CNTNAP4: variants seen among roughly 807,000 people sequenced by gnomAD.
The protein encoded by CNTNAP4 is contactin associated protein family member 4.
CNTNAP4 carries 98 observed loss-of-function variants against 148.4 expected under a neutral mutation model. The observed-to-expected ratio is 0.66, with a 90% CI of 0.56 to 0.78. The LOEUF is 0.78. Among genes scored for constraint, CNTNAP4 ranks in the 30% least tolerant of loss-of-function variants. The probability of loss-of-function intolerance (pLI) is 0.00; values close to 1 mark genes in which losing one functional copy is unlikely to be tolerated. For synonymous variants in CNTNAP4, 730 were observed against 565.1 expected (o/e 1.29, Z -4.14); for missense variants, 1,935 against 1,565.6 (o/e 1.24, Z -3.98).
At chr16:76,345,560 T>A (rs149957630) in intron 2 of CNTNAP4, among the ~76,000 whole-genome samples, 2 of 152,194 alleles carry the variant, frequency 1.3e-5, no homozygotes, top group East Asian at 1.9e-4. Flanking sequence ...CTGGAGGACA[T>A]TGGGGATGCG....
chr16:76,519,720 G>C (rs577757453), intron 15 of CNTNAP4, among the ~76,000 whole-genome samples: 17 of 152,268 alleles, frequency 1.1e-4, no homozygotes, highest in Admixed American at 1.0e-3. Context: ...AAAAGGAATA[G>C]GCTTGATGTG....
chr16:76,295,550 T>G (rs1226209755), intron 1 of CNTNAP4, among the ~76,000 whole-genome samples: 2 of 152,014 alleles, frequency 1.3e-5, no homozygotes, highest in Non-Finnish European at 2.9e-5. Flanking sequence ...GCTGGTGAAC[T>G]AACTCCTGTA....
At chr16:76,549,882 G>T (rs2084892448) in intron 21 of CNTNAP4, among the ~76,000 whole-genome samples, 1 of 152,126 alleles carries the variant, frequency 6.6e-6, no homozygotes, top group Non-Finnish European at 1.5e-5. Context: ...AAGGAAGAAG[G>T]TGAAACAGCA....
intron 2 of CNTNAP4, among the ~76,000 whole-genome samples, chr16:76,325,995 G>GTT (rs1962932450): frequency 6.6e-6 from 1 of 152,014 alleles, no homozygotes; most frequent in African/African-American, 2.4e-5. Flanking sequence ...TTTCAACAAA[G>GTT]AAAACTACAA....
At chr16:76,363,742 G>A (rs1337334280) in intron 3 of CNTNAP4, among the ~76,000 whole-genome samples, 3 of 152,134 alleles carry the variant, frequency 2.0e-5, no homozygotes, top group Non-Finnish European at 4.4e-5. Flanking sequence ...GTATCTGATA[G>A]GGAGTTAGTA....
At chr16:76,397,150 A>G (rs2078230603) in intron 3 of CNTNAP4, among the ~76,000 whole-genome samples, 1 of 152,002 alleles carries the variant, frequency 6.6e-6, no homozygotes, top group South Asian at 2.1e-4. Flanking sequence ...TTTCACGGAC[A>G]TAAGGGAAGG....
In CNTNAP4 at chr16:76,296,790, A is replaced by C. The variant is rs2143886313; in HGVS notation, c.85+19043A>C. ...CAGCAGCCAAAGATGAATGCTATTG[A>C]ATTATTGACCATATTTGATACCCCA... On this transcript the variant is annotated intron_variant, in intron 1 of 23. Coordinates refer to ENST00000611870, the MANE Select transcript of CNTNAP4 (RefSeq NM_033401.5). Among the ~76,000 whole-genome samples, 2 of 152,326 alleles carry C rather than the reference A, an allele frequency of 1.3e-5. 1 individual carries two copies. Among genetic ancestry groups the C allele is most frequent in the East Asian group, 3.9e-4 (2 of 5,184 alleles).
At chr16:76,510,870 C>G (rs1251599219) in intron 15 of CNTNAP4, among the ~76,000 whole-genome samples, 1 of 151,996 alleles carries the variant, frequency 6.6e-6, no homozygotes, top group Admixed American at 6.6e-5. Context: ...TTATTTTATG[C>G]CATTGAGTAC....
chr16:76,469,700 C>G (rs1316970864), intron 10 of CNTNAP4: 1 of 152,210 alleles, frequency 6.6e-6, no homozygotes, highest in Admixed American at 6.5e-5. Flanking sequence ...TTGGAGAACA[C>G]ATCACTTTAG....
chr16:76,504,267 AG>A, intron 15 of CNTNAP4, among the ~76,000 whole-genome samples: 1 of 152,340 alleles, frequency 6.6e-6, no homozygotes, highest in Non-Finnish European at 1.5e-5. Context: ...TGAATGGAAT[AG>A]AATAGAGAGC....
chr16:76,405,848 A>G lies in CNTNAP4; in HGVS notation c.391-21604A>G, dbSNP rs376286260. Reference sequence around the variant, plus strand: ...TTTACATAGCTAAAGAATATGACTTATAGAAACTGATAATTTTATGAAACA... The same window carrying G: ...TTTACATAGCTAAAGAATATGACTTGTAGAAACTGATAATTTTATGAAACA... On this transcript the variant is annotated intron_variant, in intron 3 of 23. Coordinates refer to ENST00000611870, the MANE Select transcript of CNTNAP4 (RefSeq NM_033401.5). 6.6e-5 allele frequency among the ~76,000 whole-genome samples: 10 copies of G among 152,226 alleles called. No individual in the cohort carries two copies. In the South Asian group the frequency reaches 1.0e-3, roughly 16 times the overall value.
In CNTNAP4 at chr16:76,413,810, T is replaced by A. The variant is rs2078885075; in HGVS notation, c.391-13642T>A. 2.6e-5 allele frequency among the ~76,000 whole-genome samples: 4 copies of A among 151,290 alleles called. No homozygotes were observed. In the Admixed American group the frequency reaches 2.6e-4, roughly 10 times the overall value. On this transcript the variant is annotated intron_variant, in intron 3 of 23. Transcript: ENST00000611870. The stretch of plus-strand genomic sequence containing the variant: ...TTTTCATGTAAAGGCATTAAATATA[T>A]TTTATTAGTTTTTTACAGTTAAATA...
chr16:76,386,784 T>C (rs984267405), intron 3 of CNTNAP4, among the ~76,000 whole-genome samples: 1 of 152,162 alleles, frequency 6.6e-6, no homozygotes, highest in African/African-American at 2.4e-5. Context: ...TTTTAGGTTG[T>C]TAATCAGATG....
rs532301033 is a variant in CNTNAP4, at chr16:76,418,234, G to A, written c.391-9218G>A. Among the ~76,000 whole-genome samples the A allele has an allele frequency of 1.7e-4, 25 of 151,082 alleles. 1 individual carries two copies. Among genetic ancestry groups the A allele is most frequent in the Admixed American group, 9.2e-4 (14 of 15,160 alleles). On this transcript the variant is annotated intron_variant, in intron 3 of 23. Transcript: ENST00000611870. The stretch of plus-strand genomic sequence containing the variant: ...CTTTTCCTTCTGGTATTCCACTTAC[G>A]CATATGTTACAACGTTTATAATTGC...
chr16:76,353,831 A>T (rs1241132803), intron 2 of CNTNAP4, among the ~76,000 whole-genome samples: 1 of 152,170 alleles, frequency 6.6e-6, no homozygotes, highest in Non-Finnish European at 1.5e-5. Context: ...CCATCAAAAT[A>T]ATCTTGAAGT....
At chr16:76,299,856 G>T (rs1468250088) in intron 1 of CNTNAP4, among the ~76,000 whole-genome samples, 1 of 152,120 alleles carries the variant, frequency 6.6e-6, no homozygotes. Flanking sequence ...GGACATGGAT[G>T]AAGCTGGAAA....
At chr16:76,541,507 A>G (rs558643359) in intron 21 of CNTNAP4, among the ~76,000 whole-genome samples, 15 of 152,316 alleles carry the variant, frequency 9.8e-5, no homozygotes, top group African/African-American at 2.6e-4. Flanking sequence ...TTATTTGAGG[A>G]GAGGGGGGCT....
intron 21 of CNTNAP4, among the ~76,000 whole-genome samples, chr16:76,546,782 A>G (rs1050294407): frequency 6.6e-6 from 1 of 152,216 alleles, no homozygotes; most frequent in Non-Finnish European, 1.5e-5. Context: ...CCAAAGGACT[A>G]ATCAGAATCA....
At chr16:76,496,317 A>G (rs2082402109) in intron 14 of CNTNAP4, among the ~76,000 whole-genome samples, 1 of 152,100 alleles carries the variant, frequency 6.6e-6, no homozygotes, top group African/African-American at 2.4e-5. Flanking sequence ...CTTAGCAACA[A>G]TAAAAATTAC....
Sources: allele counts gnomAD v4.1 joint callset (sites outside exome capture counted in the v4.1 genomes callset), GRCh38; gene constraint gnomAD v4.1.1; transcripts MANE v1.5; gene names NCBI Gene and HGNC (gene_info 2026-07-23, HGNC 2026-07-21).